MGMT: variants seen among roughly 807,000 people sequenced by gnomAD.
MGMT encodes the protein methylated-DNA--protein-cysteine methyltransferase.
A neutral mutation model predicts 15.9 loss-of-function variants in MGMT; 14 were observed. That is an observed-to-expected ratio of 0.88 (90% CI 0.58 to 1.37). The LOEUF is 1.37. MGMT is among the 40% of genes most tolerant of loss of function. MGMT has a pLI of 0.00. For synonymous variants in MGMT, 130 were observed against 118.2 expected (o/e 1.10, Z -0.65); for missense variants, 282 against 268.1 (o/e 1.05, Z -0.36).
chr10:129,759,943 G>T (rs572398352), intron 4 of MGMT, among the ~76,000 whole-genome samples: 1 of 152,318 alleles, frequency 6.6e-6, no homozygotes, highest in Non-Finnish European at 1.5e-5. Context: ...TGTCTCACCA[G>T]GGATGGCGCC....
At chr10:129,540,074 G>A (rs1053428213) in intron 2 of MGMT, among the ~76,000 whole-genome samples, 6 of 152,118 alleles carry the variant, frequency 3.9e-5, no homozygotes, top group South Asian at 2.1e-4. Context: ...CATTGTCCTC[G>A]GCAGCGTTGA....
chr10:129,618,856 G>T (rs548525922), intron 2 of MGMT, among the ~76,000 whole-genome samples: 2 of 86,538 alleles, frequency 2.3e-5, no homozygotes, highest in African/African-American at 6.4e-5. Flanking sequence ...TGAGTTTGCT[G>T]AACAAATTTA....
Position 129,759,339 on chromosome 10 carries a change from C to T in MGMT, c.412C>T (p.Pro138Ser), listed in dbSNP as rs1000782674. 6 of 1,614,050 alleles carry T rather than the reference C, an allele frequency of 3.7e-6. No homozygotes were observed. The highest frequency in any genetic ancestry group is 4.2e-6 in the Non-Finnish European group (5 of 1,180,028). ...AGTGGGAGGAGCAATGAGAGGCAAT[C>T]CTGTGAGTTCTCATGGCGCAAGCAT... ...RAVGGAMRGNPVPILIPCHRV... is the reference protein window; with the variant it reads ...RAVGGAMRGNSVPILIPCHRV... The change falls in exon 4 of 5, where the codon CCT becomes TCT. Residue 138 changes from proline to serine, a missense_variant and splice_region_variant. By Grantham distance (74) the Pro-to-Ser change is moderately conservative. Coordinates refer to ENST00000651593, the MANE Select transcript of MGMT (RefSeq NM_002412.5).
At chr10:129,712,366 T>C (rs1025201180) in intron 3 of MGMT, among the ~76,000 whole-genome samples, 1 of 152,256 alleles carries the variant, frequency 6.6e-6, no homozygotes, top group African/African-American at 2.4e-5. Context: ...TTTAACACTT[T>C]AATAATTCCT....
intron 1 of MGMT, among the ~76,000 whole-genome samples, chr10:129,535,949 G>C (rs1845979063): frequency 1.3e-5 from 2 of 152,198 alleles, no homozygotes; most frequent in Non-Finnish European, 2.9e-5. Context: ...CTCTTACCAG[G>C]TCAGCTTCCT....
At chr10:129,619,025 A>C (rs1452239788) in intron 2 of MGMT, among the ~76,000 whole-genome samples, 1 of 152,140 alleles carries the variant, frequency 6.6e-6, no homozygotes, top group East Asian at 1.9e-4. Context: ...TACTGCATTC[A>C]ACAGGAGTTG....
intron 3 of MGMT, among the ~76,000 whole-genome samples, chr10:129,709,386 G>A (rs1439309739): frequency 6.6e-6 from 1 of 152,192 alleles, no homozygotes; most frequent in African/African-American, 2.4e-5. Context: ...GCACAGGGCA[G>A]GATGTTGCTG....
chr10:129,676,355 G>A (rs1847785977), intron 2 of MGMT, among the ~76,000 whole-genome samples: 1 of 152,230 alleles, frequency 6.6e-6, no homozygotes. Flanking sequence ...TGAACATACA[G>A]GTTGATGGCA....
intron 3 of MGMT, among the ~76,000 whole-genome samples, chr10:129,720,604 C>T (rs1404859023): frequency 6.6e-6 from 1 of 152,236 alleles, no homozygotes; most frequent in Non-Finnish European, 1.5e-5. Context: ...AAAGAGCACA[C>T]AGCTAAAGAT....
In MGMT at chr10:129,501,443, G is replaced by T. The variant is rs78020679; in HGVS notation, c.-13+34147G>T. Among the ~76,000 whole-genome samples, 1,256 of 152,302 alleles carry T rather than the reference G, an allele frequency of 8.2e-3. 14 individuals are homozygous for T. Among genetic ancestry groups the T allele is most frequent in the African/African-American group, 0.029 (1,188 of 41,556 alleles). ...TATTTTGCAGTGGTTTGGAAAATGT[G>T]CTGAGGGTGGCTGTAGAGTTAACTA... is the stretch of plus-strand genomic sequence containing the variant. On this transcript the variant is annotated intron_variant, in intron 1 of 4. Coordinates refer to ENST00000651593, the MANE Select transcript of MGMT (RefSeq NM_002412.5).
intron 2 of MGMT, among the ~76,000 whole-genome samples, chr10:129,604,608 ACT>A (rs151260738): frequency 0.047 from 7,116 of 151,538 alleles, 193 homozygotes; most frequent in Middle Eastern, 0.082. Context: ...TGGAGGAGCC[ACT>A]CTCTTGGTGT....
chr10:129,759,805 C>T (rs1048397994), intron 4 of MGMT, among the ~76,000 whole-genome samples: 1 of 152,122 alleles, frequency 6.6e-6, no homozygotes, highest in Non-Finnish European at 1.5e-5. Flanking sequence ...AACCCCATCT[C>T]TCTGTGGGCT....
chr10:129,727,669 G>C (rs1438480617), intron 3 of MGMT, among the ~76,000 whole-genome samples: 1 of 152,158 alleles, frequency 6.6e-6, no homozygotes, highest in Non-Finnish European at 1.5e-5. Flanking sequence ...GTTCCTTCCA[G>C]CTGTTTTTGG....
At chr10:129,598,723 T>TAA (rs1415324711) in intron 2 of MGMT, among the ~76,000 whole-genome samples, 4 of 152,214 alleles carry the variant, frequency 2.6e-5, no homozygotes, top group African/African-American at 9.6e-5. Flanking sequence ...AGTAGATAAT[T>TAA]AAGTGTCTGC....
intron 2 of MGMT, among the ~76,000 whole-genome samples, chr10:129,668,329 T>C (rs1847682860): frequency 6.6e-6 from 1 of 152,166 alleles, no homozygotes; most frequent in African/African-American, 2.4e-5. Context: ...AAACCATTCT[T>C]AGATGCTGGG....
chr10:129,549,878 C>G (rs932620140), intron 2 of MGMT, among the ~76,000 whole-genome samples: 3 of 152,000 alleles, frequency 2.0e-5, no homozygotes, highest in Non-Finnish European at 4.4e-5. Context: ...TTTTAAAATC[C>G]ATTTACAGTT....
chr10:129,740,018 A>C (rs1447789260), intron 3 of MGMT, among the ~76,000 whole-genome samples: 1 of 152,218 alleles, frequency 6.6e-6, no homozygotes, highest in Non-Finnish European at 1.5e-5. Context: ...ACTTCCTTCC[A>C]CCTGGCCTGT....
chr10:129,467,405 G>T, intron 1 of MGMT, 109 bp downstream of exon 1: 1 of 1,380,156 alleles, frequency 7.2e-7, no homozygotes, highest in South Asian at 1.6e-5. Context: ...CGGGTGTGGG[G>T]CCGCCCTGAC....
chr10:129,595,827 C>A (rs1011515427), intron 2 of MGMT, among the ~76,000 whole-genome samples: 1 of 152,066 alleles, frequency 6.6e-6, no homozygotes, highest in East Asian at 1.9e-4. Flanking sequence ...TCGGGGAGTT[C>A]CTCCTGTCTT....
Sources: gnomAD v4.1 joint callset for allele counts (sites outside exome capture counted in the v4.1 genomes callset) on GRCh38, gnomAD v4.1.1 for gene constraint, MANE v1.5 for transcripts, NCBI Gene and HGNC (gene_info 2026-07-23, HGNC 2026-07-21) for gene names.